The following RBFOX1 variants were observed in gnomAD, a reference collection of about 807,000 sequenced individuals.
RBFOX1 encodes RNA binding protein fox-1 homolog 1.
RBFOX1 carries 8 observed loss-of-function variants against 57.7 expected under a neutral mutation model. That is an observed-to-expected ratio of 0.14 (90% CI 0.08 to 0.25). The LOEUF is 0.25. RBFOX1 is among the 10% of genes least tolerant of loss of function. RBFOX1 has a pLI of 1.00. For missense variants in RBFOX1, 611 were observed against 548.5 expected (o/e 1.11, Z -1.14); for synonymous variants, 326 against 222.4 (o/e 1.47, Z -4.15).
chr16:6,150,592 G>A (rs968409939), intron 1 of RBFOX1, among the ~76,000 whole-genome samples: 1 of 152,112 alleles, frequency 6.6e-6, no homozygotes, highest in East Asian at 1.9e-4. Context: ...TGTTATTCCT[G>A]TCCCCCTTTA....
chr16:6,847,972 G>A (rs889848806), intron 3 of RBFOX1, among the ~76,000 whole-genome samples: 7 of 152,148 alleles, frequency 4.6e-5, no homozygotes, highest in Admixed American at 2.0e-4. Context: ...TAAGACTATA[G>A]GCACCTGCCA....
intron 4 of RBFOX1, among the ~76,000 whole-genome samples, chr16:5,923,557 T>C (rs2058877665): frequency 6.6e-6 from 1 of 151,092 alleles, no homozygotes; most frequent in Admixed American, 6.6e-5. Context: ...TTTTCTTTTT[T>C]TTGAGGTAGA....
intron 4 of RBFOX1, among the ~76,000 whole-genome samples, chr16:7,276,726 A>G (rs2153154730): frequency 6.6e-6 from 1 of 152,308 alleles, no homozygotes; most frequent in East Asian, 1.9e-4. Flanking sequence ...GTTGAGGAGT[A>G]ATTCACCTTT....
chr16:6,055,586 C>A (rs1372259394), intron 1 of RBFOX1, among the ~76,000 whole-genome samples: 1 of 116,618 alleles, frequency 8.6e-6, no homozygotes, highest in Admixed American at 1.0e-4. Flanking sequence ...GAGTGAGACT[C>A]CGTCAAAAAA....
At chr16:6,511,213 T>C (rs983454036) in intron 2 of RBFOX1, among the ~76,000 whole-genome samples, 4 of 152,098 alleles carry the variant, frequency 2.6e-5, no homozygotes, top group African/African-American at 9.7e-5. Flanking sequence ...GCGAAGAGTG[T>C]GATACTCTGA....
At position 6,477,437 on chromosome 16, in the gene RBFOX1, C is replaced by T. The variant is rs544263271; in HGVS notation, c.-64+160380C>T. 2.1e-4 allele frequency among the ~76,000 whole-genome samples: 32 copies of T among 152,294 alleles called. No homozygotes were observed. The South Asian group carries it at 2.9e-3, about 14-fold the overall frequency. ...CTTGTGCTTCTCCATCAGAGCTTTC[C>T]GGTGACCAGATGTGTTGTCAATGAG... On this transcript the variant is annotated intron_variant, in intron 2 of 15. Transcript: ENST00000550418.
intron 3 of RBFOX1, among the ~76,000 whole-genome samples, chr16:6,722,320 G>GT (rs36061961): frequency 0.38 from 57,123 of 152,028 alleles, 11,039 homozygotes; most frequent in East Asian, 0.45. Context: ...GTTATTTTCT[G>GT]TTTTTGTTTG....
At chr16:6,991,136 CAAAAAAAAA>C (rs35889519) in intron 3 of RBFOX1, among the ~76,000 whole-genome samples, 23 of 53,074 alleles carry the variant, frequency 4.3e-4, no homozygotes, top group East Asian at 1.5e-3. Context: ...ATTGTCTCTC[CAAAAAAAAA>C]AAAAAAAAAA....
At chr16:5,261,549 G>GTTTT (rs4047465) in intron 1 of RBFOX1, among the ~76,000 whole-genome samples, 3 of 120,490 alleles carry the variant, frequency 2.5e-5, no homozygotes, top group Admixed American at 9.3e-5. Context: ...TGTGTGTATG[G>GTTTT]TTTTTTTTTT....
chr16:7,444,620 C>T (rs969413736), intron 4 of RBFOX1, among the ~76,000 whole-genome samples: 4 of 152,060 alleles, frequency 2.6e-5, no homozygotes, highest in Non-Finnish European at 5.9e-5. Context: ...GCAGCCTCAA[C>T]CTCCCAGGCT....
chr16:5,747,522 T>C (rs1167777536), intron 3 of RBFOX1, among the ~76,000 whole-genome samples: 3 of 152,180 alleles, frequency 2.0e-5, no homozygotes, highest in African/African-American at 7.2e-5. Context: ...GCTAGAGTTT[T>C]TTTGGTTGGT....
chr16:6,734,315 A>G (rs1375868939), intron 3 of RBFOX1, among the ~76,000 whole-genome samples: 3 of 152,176 alleles, frequency 2.0e-5, no homozygotes, highest in Non-Finnish European at 2.9e-5. Flanking sequence ...TTTGTTCAGA[A>G]GGCAAAAAGA....
At chr16:5,951,888 A>T (rs865968511) in intron 4 of RBFOX1, among the ~76,000 whole-genome samples, 2 of 151,790 alleles carry the variant, frequency 1.3e-5, no homozygotes, top group Non-Finnish European at 2.9e-5. Context: ...GTGTGTGTAT[A>T]TACATATATA....
intron 3 of RBFOX1, among the ~76,000 whole-genome samples, chr16:6,935,056 A>T (rs1181572849): frequency 6.6e-6 from 1 of 151,780 alleles, no homozygotes; most frequent in African/African-American, 2.4e-5. Flanking sequence ...GTTCCACTGC[A>T]CTCCAGCCTG....
chr16:7,456,194 AC>A (rs1567260446), intron 4 of RBFOX1, among the ~76,000 whole-genome samples: 1 of 152,184 alleles, frequency 6.6e-6, no homozygotes, highest in Non-Finnish European at 1.5e-5. Context: ...GGGTTGATGT[AC>A]CCACAGCATC....
rs369850535 is a variant in RBFOX1 at position 6,702,375 on chromosome 16, G to A, written c.-16+47725G>A. ...TCAAGACCAGACTGGCCAACATGGT[G>A]AAACTCCATCTCTACTAAAAATACA... is the stretch of plus-strand genomic sequence containing the variant. On this transcript the variant is annotated intron_variant, in intron 3 of 15. Coordinates refer to ENST00000550418, the MANE Select transcript of RBFOX1 (RefSeq NM_018723.4). Among the ~76,000 whole-genome samples, 46 of 152,246 alleles carry A rather than the reference G, an allele frequency of 3.0e-4. No homozygotes were observed. The South Asian group carries it at 9.1e-3, about 30-fold the overall frequency.
Position 6,105,481 on chromosome 16 carries a change from G to A in RBFOX1, c.-127+85489G>A, listed in dbSNP as rs558015501. ...ATGCCATCTTAGCCTATTTAAGACTGGCATTCTAGAAAGAGGCATGCTGAT... is the reference window on the plus strand; with the variant it reads ...ATGCCATCTTAGCCTATTTAAGACTAGCATTCTAGAAAGAGGCATGCTGAT... On this transcript the variant is annotated intron_variant, in intron 1 of 15. Coordinates refer to ENST00000550418, the MANE Select transcript of RBFOX1 (RefSeq NM_018723.4). 1.9e-3 allele frequency among the ~76,000 whole-genome samples: 291 copies of A among 152,146 alleles called. 1 individual carries two copies. Among genetic ancestry groups the A allele is most frequent in the African/African-American group, 6.8e-3 (284 of 41,502 alleles).
intron 1 of RBFOX1, among the ~76,000 whole-genome samples, chr16:5,399,472 A>T (rs967383078): frequency 6.6e-6 from 1 of 152,210 alleles, no homozygotes; most frequent in African/African-American, 2.4e-5. Context: ...CCCCATTGGG[A>T]GAATGAACAC....
intron 3 of RBFOX1, among the ~76,000 whole-genome samples, chr16:5,704,578 G>T (rs1449733542): frequency 6.6e-6 from 1 of 152,152 alleles, no homozygotes; most frequent in East Asian, 1.9e-4. Context: ...ATCATCCCTG[G>T]TTTATTTACC....
Sources: allele counts gnomAD v4.1 joint callset (sites outside exome capture counted in the v4.1 genomes callset), GRCh38; gene constraint gnomAD v4.1.1; transcripts MANE v1.5; gene names NCBI Gene and HGNC (gene_info 2026-07-23, HGNC 2026-07-21).